The following MFHAS1 variants were observed in gnomAD, a reference collection of about 807,000 sequenced individuals.
The protein encoded by MFHAS1 is malignant fibrous histiocytoma-amplified sequence 1.
MFHAS1 carries 50 observed loss-of-function variants against 70.4 expected under a neutral mutation model. That is an observed-to-expected ratio of 0.71 (90% CI 0.57 to 0.90). MFHAS1 has a LOEUF of 0.90. Among genes scored for constraint, MFHAS1 ranks in the 40% least tolerant of loss-of-function variants. The pLI is 0.00. For missense variants in MFHAS1, 1,795 were observed against 1,347.6 expected (o/e 1.33, Z -5.20); for synonymous variants, 952 against 620.0 (o/e 1.54, Z -7.96).
At chr8:8,863,613 CCT>C (rs1808746316) in intron 1 of MFHAS1, among the ~76,000 whole-genome samples, 1 of 152,140 alleles carries the variant, frequency 6.6e-6, no homozygotes, top group Non-Finnish European at 1.5e-5. Flanking sequence ...ATGTTTCTAA[CCT>C]CTGTTTTGAC....
intron 1 of MFHAS1, among the ~76,000 whole-genome samples, chr8:8,847,699 T>G (rs1400196907): frequency 1.3e-5 from 2 of 152,240 alleles, no homozygotes; most frequent in Non-Finnish European, 2.9e-5. Flanking sequence ...GTAAATTCCC[T>G]GCACACTCTG....
intron 1 of MFHAS1, among the ~76,000 whole-genome samples, chr8:8,808,549 TA>T (rs922799110): frequency 2.6e-5 from 4 of 151,912 alleles, no homozygotes; most frequent in African/African-American, 9.7e-5. Flanking sequence ...CTTGACTTAA[TA>T]AGGAAAGAAA....
At chr8:8,884,918 A>C (rs923124010) in intron 1 of MFHAS1, among the ~76,000 whole-genome samples, 2 of 152,082 alleles carry the variant, frequency 1.3e-5, no homozygotes, top group South Asian at 2.1e-4. Context: ...GCCCCAATGC[A>C]TTCCAACCTC....
rs146683029 is a variant in MFHAS1, at chr8:8,890,121, C to T, written c.2938G>A (p.Val980Met). ...AGGCACTTAGAACAGAGAATGTGCACGGTGTAGTGCAGTCCAGGCCATTCC... is the reference window on the plus strand; with the variant it reads ...AGGCACTTAGAACAGAGAATGTGCATGGTGTAGTGCAGTCCAGGCCATTCC... ...LQEWPGLHYTVHILCSKCLKR... is the reference protein window; with the variant it reads ...LQEWPGLHYTMHILCSKCLKR... Residue 980 changes from valine to methionine, a missense_variant, in exon 1 of 3, where the codon GTG becomes ATG. By Grantham distance (21) the Val-to-Met change is conservative. Coordinates refer to ENST00000276282, the MANE Select transcript of MFHAS1 (RefSeq NM_004225.3). The T allele has an allele frequency of 6.2e-7, 1 of 1,613,866 alleles. No individual in the cohort carries two copies. The highest frequency in any genetic ancestry group is 8.5e-7 in the Non-Finnish European group (1 of 1,179,910).
chr8:8,799,734 C>T (rs1256251575), intron 1 of MFHAS1, among the ~76,000 whole-genome samples: 1 of 152,158 alleles, frequency 6.6e-6, no homozygotes, highest in Non-Finnish European at 1.5e-5. Flanking sequence ...CCAACCCGGG[C>T]GACAGAGTGA....
intron 1 of MFHAS1, among the ~76,000 whole-genome samples, chr8:8,827,627 C>T (rs760988288): frequency 6.6e-6 from 1 of 152,202 alleles, no homozygotes; most frequent in Non-Finnish European, 1.5e-5. Flanking sequence ...GGAATTAGCT[C>T]TGACACATAG....
chr8:8,818,655 C>G (rs143110727), intron 1 of MFHAS1, among the ~76,000 whole-genome samples: 1 of 152,220 alleles, frequency 6.6e-6, no homozygotes, highest in South Asian at 2.1e-4. Flanking sequence ...AGGCTTGGCA[C>G]ATAATAGCAA....
intron 1 of MFHAS1, among the ~76,000 whole-genome samples, chr8:8,831,940 C>T (rs1173827491): frequency 6.6e-6 from 1 of 151,988 alleles, no homozygotes; most frequent in East Asian, 1.9e-4. Flanking sequence ...AGAGCCCAGG[C>T]AATTTAAAGG....
chr8:8,824,694 T>A (rs886674615), intron 1 of MFHAS1, among the ~76,000 whole-genome samples: 3 of 152,188 alleles, frequency 2.0e-5, no homozygotes. Flanking sequence ...CTCTAAAAGA[T>A]AAACCATTTG....
At chr8:8,873,437 T>C (rs191099726) in intron 1 of MFHAS1, among the ~76,000 whole-genome samples, 1 of 151,616 alleles carries the variant, frequency 6.6e-6, no homozygotes, top group East Asian at 1.9e-4. Flanking sequence ...AAGTATGTTT[T>C]AAACACAGAA....
At chr8:8,814,148 G>A (rs1413921385) in intron 1 of MFHAS1, among the ~76,000 whole-genome samples, 1 of 152,090 alleles carries the variant, frequency 6.6e-6, no homozygotes, top group Non-Finnish European at 1.5e-5. Context: ...ATGTTGGCCA[G>A]GCTGGCCTCG....
At chr8:8,819,473 C>T (rs1434270707) in intron 1 of MFHAS1, among the ~76,000 whole-genome samples, 10 of 151,856 alleles carry the variant, frequency 6.6e-5, no homozygotes, top group Admixed American at 3.3e-4. Flanking sequence ...GGCATGGTGG[C>T]GGGTGCCTGC....
chr8:8,822,332 T>G (rs1439827015), intron 1 of MFHAS1, among the ~76,000 whole-genome samples: 1 of 152,146 alleles, frequency 6.6e-6, no homozygotes, highest in East Asian at 1.9e-4. Context: ...GAGCGAGTCC[T>G]CAGGGAGAGG....
chr8:8,806,351 T>C (rs569166715), intron 1 of MFHAS1, among the ~76,000 whole-genome samples: 4 of 152,182 alleles, frequency 2.6e-5, no homozygotes, highest in Admixed American at 6.5e-5. Flanking sequence ...AAAATAAATA[T>C]AACTGGGGGC....
chr8:8,861,153 C>T (rs796390072), intron 1 of MFHAS1, among the ~76,000 whole-genome samples: 7 of 152,340 alleles, frequency 4.6e-5, no homozygotes, highest in African/African-American at 1.7e-4. Context: ...ATATATAAAA[C>T]ATCTACCGAA....
intron 1 of MFHAS1, among the ~76,000 whole-genome samples, chr8:8,879,981 G>A (rs930268903): frequency 3.9e-5 from 6 of 152,194 alleles, no homozygotes; most frequent in African/African-American, 9.7e-5. Context: ...GCTCTATGCA[G>A]AAGACAAGAA....
rs1690144773 is a variant in MFHAS1 at position 8,890,971 on chromosome 8, G to A, written c.2088C>T (p.Thr696=). 1.9e-6 allele frequency: 3 copies of A among 1,613,708 alleles called. No individual in the cohort carries two copies. The highest frequency in any genetic ancestry group is 1.7e-6 in the Non-Finnish European group (2 of 1,179,918). ...SARLGLQAGL[T]EDRLQSALSY... Reference sequence around the variant, plus strand: ...AGAGGGCACTCTGCAGTCGGTCCTCGGTCAGACCCGCCTGCAGGCCCAAGC... The same window carrying A: ...AGAGGGCACTCTGCAGTCGGTCCTCAGTCAGACCCGCCTGCAGGCCCAAGC... Residue 696 remains threonine, a synonymous_variant, in exon 1 of 3, where the codon ACC becomes ACT. Coordinates refer to ENST00000276282, the MANE Select transcript of MFHAS1 (RefSeq NM_004225.3).
intron 1 of MFHAS1, among the ~76,000 whole-genome samples, chr8:8,810,550 C>T (rs567384224): frequency 5.9e-5 from 9 of 152,324 alleles, no homozygotes; most frequent in East Asian, 1.9e-4. Flanking sequence ...ATCTTTATGA[C>T]AATCCACTTC....
chr8:8,836,064 A>G (rs1434665452), intron 1 of MFHAS1, among the ~76,000 whole-genome samples: 1 of 152,224 alleles, frequency 6.6e-6, no homozygotes, highest in African/African-American at 2.4e-5. Flanking sequence ...AATCTATAAT[A>G]TATCTGTTGA....
Sources: allele counts gnomAD v4.1 joint callset (sites outside exome capture counted in the v4.1 genomes callset), GRCh38; gene constraint gnomAD v4.1.1; transcripts MANE v1.5; gene names NCBI Gene and HGNC (gene_info 2026-07-23, HGNC 2026-07-21).